The following RBFOX1 variants were observed in gnomAD, a reference collection of about 807,000 sequenced individuals.
RBFOX1 encodes the protein RNA binding protein fox-1 homolog 1.
In RBFOX1, 8 loss-of-function variants were observed where a neutral mutation model predicts 57.7. The observed-to-expected ratio is 0.14, with a 90% CI of 0.08 to 0.25. The LOEUF is 0.25. Among genes scored for constraint, RBFOX1 ranks in the 10% least tolerant of loss-of-function variants. The probability of loss-of-function intolerance (pLI) is 1.00; values close to 1 mark genes in which losing one functional copy is unlikely to be tolerated. For synonymous variants in RBFOX1, 326 were observed against 222.4 expected (o/e 1.47, Z -4.15); for missense variants, 611 against 548.5 (o/e 1.11, Z -1.14).
Position 6,773,876 on chromosome 16 carries a change from G to T in RBFOX1, c.-16+119226G>T, listed in dbSNP as rs533997825. 7.0e-6 allele frequency: 6 copies of T among 860,510 alleles called. No homozygotes were observed. The African/African-American group carries it at 7.3e-5, about 11-fold the overall frequency. The allele number at this position is 860,510 out of a possible 1,614,324, so 53.3% of individuals were successfully genotyped here. A position where few individuals can be genotyped will look rare whatever the true frequency, so the allele number is the denominator to read the frequency against. ...ATATGTGTGGATGTAGGGTGCGTTT[G>T]TCTGTGTGTATTTGTGTGGGCATGG... On this transcript the variant is annotated intron_variant, in intron 3 of 15. Transcript: ENST00000550418.
intron 3 of RBFOX1, among the ~76,000 whole-genome samples, chr16:6,738,144 C>G (rs939755059): frequency 2.6e-5 from 4 of 151,446 alleles, no homozygotes; most frequent in African/African-American, 9.7e-5. Flanking sequence ...CAGATGTAAC[C>G]TCTCATCTTA....
At chr16:6,940,761 C>T (rs1018481029) in intron 3 of RBFOX1, among the ~76,000 whole-genome samples, 10 of 117,618 alleles carry the variant, frequency 8.5e-5, no homozygotes, top group African/African-American at 2.7e-4. Context: ...CCATGTCCCG[C>T]TAGTGTGTGT....
At chr16:7,111,411 GA>G (rs1464076168) in intron 4 of RBFOX1, among the ~76,000 whole-genome samples, 1 of 152,108 alleles carries the variant, frequency 6.6e-6, no homozygotes, top group East Asian at 1.9e-4. Context: ...TATACTGTAT[GA>G]ATTTACTTAG....
chr16:6,566,494 T>A (rs1424289255), intron 2 of RBFOX1, among the ~76,000 whole-genome samples: 1 of 152,232 alleles, frequency 6.6e-6, no homozygotes, highest in Non-Finnish European at 1.5e-5. Flanking sequence ...CTACAGAGAC[T>A]TTGTCATTAA....
chr16:7,614,849 G>C (rs1437770475), intron 10 of RBFOX1: 1 of 152,182 alleles, frequency 6.6e-6, no homozygotes, highest in Non-Finnish European at 1.5e-5. Flanking sequence ...TGAAGTCAAG[G>C]TTTCTGGGAA....
chr16:6,472,647 G>A (rs373965784), intron 2 of RBFOX1, among the ~76,000 whole-genome samples: 10 of 146,244 alleles, frequency 6.8e-5, no homozygotes, highest in African/African-American at 2.5e-4. Context: ...TTTTTTCAAT[G>A]GAATCTCACT....
chr16:7,230,177 C>CTT (rs199821368), intron 4 of RBFOX1, among the ~76,000 whole-genome samples: 13 of 147,052 alleles, frequency 8.8e-5, no homozygotes, highest in African/African-American at 3.0e-4. Flanking sequence ...ACTCATTTCA[C>CTT]TTTTTTTTTT....
intron 3 of RBFOX1, among the ~76,000 whole-genome samples, chr16:6,988,246 C>T (rs1404229045): frequency 6.6e-6 from 1 of 152,106 alleles, no homozygotes; most frequent in Non-Finnish European, 1.5e-5. Context: ...CTGGTTTTTC[C>T]AGGCAGGACT....
intron 1 of RBFOX1, among the ~76,000 whole-genome samples, chr16:5,457,040 G>T (rs949504465): frequency 4.6e-5 from 7 of 152,190 alleles, no homozygotes; most frequent in Non-Finnish European, 7.3e-5. Flanking sequence ...TTGAGGTGCC[G>T]GCCGGTTTGG....
At chr16:7,053,385 T>A (rs192106458) in intron 4 of RBFOX1, among the ~76,000 whole-genome samples, 5 of 152,320 alleles carry the variant, frequency 3.3e-5, no homozygotes, top group Admixed American at 3.3e-4. Context: ...TTCTGAACTG[T>A]CTTACTGCTT....
intron 4 of RBFOX1, among the ~76,000 whole-genome samples, chr16:7,490,900 C>G (rs946266535): frequency 6.6e-6 from 1 of 152,176 alleles, no homozygotes; most frequent in African/African-American, 2.4e-5. Flanking sequence ...CTTTATCAGC[C>G]TAAGGATACA....
chr16:5,378,857 ATTTT>A, intron 1 of RBFOX1, among the ~76,000 whole-genome samples: 1 of 151,566 alleles, frequency 6.6e-6, no homozygotes, highest in South Asian at 2.1e-4. Flanking sequence ...ATAAATGTTC[ATTTT>A]ATGATTATGG....
rs1327036910 is a variant in RBFOX1 at position 6,695,092 on chromosome 16, C to G, written c.-16+40442C>G. ...TAGATGAATGCTATTTCAGAAAGCC[C>G]TTGTCCCAGTGAATATTACTGTGTG... On this transcript the variant is annotated intron_variant, in intron 3 of 15. Coordinates refer to ENST00000550418, the MANE Select transcript of RBFOX1 (RefSeq NM_018723.4). 2.0e-5 allele frequency among the ~76,000 whole-genome samples: 3 copies of G among 152,104 alleles called. 1 individual carries two copies. The Middle Eastern group carries it at 0.01, about 517-fold the overall frequency.
chr16:7,115,927 C>T (rs1279767129), intron 4 of RBFOX1, among the ~76,000 whole-genome samples: 1 of 152,158 alleles, frequency 6.6e-6, no homozygotes, highest in African/African-American at 2.4e-5. Flanking sequence ...GGCAATGACA[C>T]TTATTGGGGG....
intron 4 of RBFOX1, among the ~76,000 whole-genome samples, chr16:7,118,381 A>C (rs2066381398): frequency 6.6e-6 from 1 of 152,026 alleles, no homozygotes; most frequent in Non-Finnish European, 1.5e-5. Context: ...TTTGTTGGCT[A>C]TTCTCATCTT....
intron 5 of RBFOX1, among the ~76,000 whole-genome samples, chr16:7,550,301 G>A (rs1265160366): frequency 6.6e-6 from 1 of 151,926 alleles, no homozygotes; most frequent in East Asian, 1.9e-4. Flanking sequence ...CCGGAGAAGG[G>A]AAGTGGTTTC....
intron 2 of RBFOX1, among the ~76,000 whole-genome samples, chr16:6,622,795 A>G (rs1489855830): frequency 3.3e-5 from 5 of 152,216 alleles, no homozygotes; most frequent in South Asian, 2.1e-4. Flanking sequence ...TACTGAAGCC[A>G]CTGATGAGCT....
Position 5,598,985 on chromosome 16 carries a change from C to T in RBFOX1, c.342C>T (p.Asn114=), listed in dbSNP as rs777471972. The T allele has an allele frequency of 5.3e-6, 8 of 1,510,354 alleles. No homozygotes were observed. The South Asian group carries it at 7.2e-5, about 14-fold the overall frequency. The allele number at this position is 1,510,354 out of a possible 1,614,324, so 93.6% of individuals were successfully genotyped here. Residue 114 remains asparagine (N), a synonymous_variant, in exon 3 of 3, where the codon AAC becomes AAT. Transcript: ENST00000585867. ...CCGTAAGTAGAAGCATTTTGCTGAA[C>T]AGATTAGATTTTGAAACTACTTTTG... is the stretch of plus-strand genomic sequence containing the variant.
At chr16:6,200,019 C>A (rs2097205115) in intron 1 of RBFOX1, among the ~76,000 whole-genome samples, 1 of 152,074 alleles carries the variant, frequency 6.6e-6, no homozygotes, top group Admixed American at 6.6e-5. Context: ...ATGGAGATAG[C>A]CAGGCCTAGA....
Sources: allele counts gnomAD v4.1 joint callset (sites outside exome capture counted in the v4.1 genomes callset), GRCh38; gene constraint gnomAD v4.1.1; transcripts MANE v1.5; gene names NCBI Gene and HGNC (gene_info 2026-07-23, HGNC 2026-07-21).